PTPRD: variants seen among roughly 807,000 people sequenced by gnomAD.
PTPRD encodes protein tyrosine phosphatase receptor type D.
PTPRD carries 34 observed loss-of-function variants against 214.5 expected under a neutral mutation model. The ratio of observed to expected loss-of-function variants is 0.16; its 90% confidence interval spans 0.12 to 0.21. The LOEUF is 0.21. Ranked by LOEUF, PTPRD falls within the 10% of genes least tolerant of loss-of-function variation. The probability of loss-of-function intolerance (pLI) is 1.00; values close to 1 mark genes in which losing one functional copy is unlikely to be tolerated. For missense variants in PTPRD, 2,545 were observed against 2,398.7 expected, an observed-to-expected ratio of 1.06 and a Z score of -1.27; for synonymous variants, 1,128 against 845.7, an observed-to-expected ratio of 1.33 and a Z score of -5.79.
intron 14 of PTPRD, among the ~76,000 whole-genome samples, chr9:8,571,057 G>A (rs2090996824): frequency 6.6e-6 from 1 of 151,880 alleles, no homozygotes; most frequent in Non-Finnish European, 1.5e-5. Flanking sequence ...AGTGCCCACA[G>A]GTATGGGCAA....
intron 3 of PTPRD, among the ~76,000 whole-genome samples, chr9:10,061,888 C>T (rs981852161): frequency 1.3e-5 from 2 of 151,916 alleles, no homozygotes; most frequent in Non-Finnish European, 2.9e-5. Context: ...TTTATTATCA[C>T]CCGGAACTCG....
intron 10 of PTPRD, among the ~76,000 whole-genome samples, chr9:9,055,047 C>T (rs957432482): frequency 1.3e-5 from 2 of 152,080 alleles, no homozygotes; most frequent in African/African-American, 4.8e-5. Context: ...TCATACATTG[C>T]TGGTGACAGT....
chr9:9,075,699 T>C (rs1168416784), intron 10 of PTPRD, among the ~76,000 whole-genome samples: 1 of 152,162 alleles, frequency 6.6e-6, no homozygotes, highest in East Asian at 1.9e-4. Flanking sequence ...CTTAGAATGA[T>C]GGTTTGCAGC....
chr9:8,751,562 C>G (rs988862138), intron 11 of PTPRD, among the ~76,000 whole-genome samples: 1 of 152,138 alleles, frequency 6.6e-6, no homozygotes, highest in African/African-American at 2.4e-5. Flanking sequence ...AGGGCCCTTC[C>G]AATAATTCAA....
intron 3 of PTPRD, among the ~76,000 whole-genome samples, chr9:10,105,755 A>AT (rs906695879): frequency 2.0e-5 from 3 of 151,716 alleles, no homozygotes; most frequent in African/African-American, 7.3e-5. Context: ...AACCTGTTCT[A>AT]TTTTTATTTC....
At chr9:10,012,755 G>C (rs529258186) in intron 4 of PTPRD, among the ~76,000 whole-genome samples, 1 of 151,826 alleles carries the variant, frequency 6.6e-6, no homozygotes, top group African/African-American at 2.4e-5. Flanking sequence ...GGAAAACCCC[G>C]AGTGTGTTCT....
intron 11 of PTPRD, among the ~76,000 whole-genome samples, chr9:8,947,457 T>A (rs1588631752): frequency 8.1e-6 from 1 of 122,800 alleles, no homozygotes; most frequent in Non-Finnish European, 1.7e-5. Flanking sequence ...AGCGAGACTC[T>A]GTCTCAAAAA....
chr9:9,575,836 G>T (rs531629565), intron 7 of PTPRD, among the ~76,000 whole-genome samples: 2 of 150,380 alleles, frequency 1.3e-5, no homozygotes, highest in South Asian at 4.2e-4. Flanking sequence ...TCATTTTGGT[G>T]CAGTGGTAAC....
intron 5 of PTPRD, among the ~76,000 whole-genome samples, chr9:9,779,818 T>C (rs2098828679): frequency 6.6e-6 from 1 of 152,214 alleles, no homozygotes; most frequent in Non-Finnish European, 1.5e-5. Context: ...GTATGTAAAT[T>C]AGTTCAGCCA....
At chr9:9,839,211 G>T (rs1159566937) in intron 5 of PTPRD, among the ~76,000 whole-genome samples, 1 of 152,108 alleles carries the variant, frequency 6.6e-6, no homozygotes, top group Non-Finnish European at 1.5e-5. Context: ...GGACAATTAG[G>T]CAGGAGAAGG....
intron 8 of PTPRD, among the ~76,000 whole-genome samples, chr9:9,406,399 G>A (rs1027643638): frequency 6.6e-6 from 1 of 151,814 alleles, no homozygotes. Flanking sequence ...AAGAAAGTAA[G>A]AGATAGAAGA....
At position 9,069,546 on chromosome 9, in the gene PTPRD, C is replaced by T. The variant is rs181067394; in HGVS notation, c.-142-50811G>A. Among the ~76,000 whole-genome samples, 1,416 of 152,336 alleles carry T rather than the reference C, an allele frequency of 9.3e-3. 24 individuals carry two copies. Among genetic ancestry groups the T allele is most frequent in the Admixed American group, 0.04 (605 of 15,294 alleles). On this transcript the variant is annotated intron_variant, in intron 10 of 45. Transcript: ENST00000381196. ...AAGAGTTATCATGATGCTACCTTAA[C>T]TGTTCAGTAACAACCTTAGATTGCT...
chr9:8,720,708 GA>G (rs2098484320), intron 12 of PTPRD, among the ~76,000 whole-genome samples: 1 of 151,938 alleles, frequency 6.6e-6, no homozygotes, highest in Non-Finnish European at 1.5e-5. Flanking sequence ...ATTGAAATTA[GA>G]AGCCATTCTA....
At chr9:10,560,788 C>A (rs1389439755) in intron 2 of PTPRD, among the ~76,000 whole-genome samples, 2 of 152,020 alleles carry the variant, frequency 1.3e-5, no homozygotes, top group African/African-American at 4.8e-5. Flanking sequence ...AAATTTAGTT[C>A]CTCTGTCACA....
chr9:9,754,995 A>G (rs909471047), intron 6 of PTPRD, among the ~76,000 whole-genome samples: 3 of 152,068 alleles, frequency 2.0e-5, no homozygotes, highest in Non-Finnish European at 2.9e-5. Context: ...ATAATTTGCG[A>G]ATCAGCTGCT....
chr9:9,755,216 G>C (rs187536174), intron 6 of PTPRD, among the ~76,000 whole-genome samples: 1 of 152,112 alleles, frequency 6.6e-6, no homozygotes, highest in East Asian at 1.9e-4. Context: ...AGAAGATCAG[G>C]AGAAGGAAAT....
chr9:8,375,901 T>C, intron 39 of PTPRD, 35 bp downstream of exon 39: 3 of 1,592,574 alleles, frequency 1.9e-6, no homozygotes, highest in Non-Finnish European at 2.6e-6. Context: ...TTTAGCTTTC[T>C]GTTTCCTGAC....
chr9:10,318,949 G>C (rs1324453983), intron 3 of PTPRD, among the ~76,000 whole-genome samples: 1 of 152,072 alleles, frequency 6.6e-6, no homozygotes, highest in Non-Finnish European at 1.5e-5. Context: ...GAAGACTTCT[G>C]AGAGCTATCA....
At chr9:8,653,070 T>C (rs1425110105) in intron 12 of PTPRD, among the ~76,000 whole-genome samples, 1 of 152,212 alleles carries the variant, frequency 6.6e-6, no homozygotes, top group Non-Finnish European at 1.5e-5. Context: ...TCAATTTTAC[T>C]GTCTGAAGTT....
Sources: gnomAD v4.1 joint callset for allele counts (sites outside exome capture counted in the v4.1 genomes callset) on GRCh38, gnomAD v4.1.1 for gene constraint, MANE v1.5 for transcripts, NCBI Gene and HGNC (gene_info 2026-07-23, HGNC 2026-07-21) for gene names.